USP34: variants seen among roughly 807,000 people sequenced by gnomAD.
USP34 encodes ubiquitin specific peptidase 34.
In USP34, 70 loss-of-function variants were observed where a neutral mutation model predicts 460.3. The observed-to-expected ratio is 0.15, with a 90% CI of 0.13 to 0.19. The LOEUF is 0.19. USP34 is among the 10% of genes least tolerant of loss of function. The pLI is 1.00. For synonymous variants in USP34, 1,647 were observed against 1,405.3 expected, an observed-to-expected ratio of 1.17 and a Z score of -3.85; for missense variants, 3,985 against 4,236.2, an observed-to-expected ratio of 0.94 and a Z score of 1.65.
chr2:61,216,853 G>A lies in USP34; in HGVS notation c.8048-2159C>T, dbSNP rs539462856. Among the ~76,000 whole-genome samples the A allele has an allele frequency of 1.1e-4, 17 of 151,768 alleles. 1 individual carries two copies. The South Asian group carries it at 1.9e-3, about 17-fold the overall frequency. On this transcript the variant is annotated intron_variant, in intron 67 of 79. Transcript: ENST00000398571. ...GAATCACTTTAACTCTGGAGGTGGA[G>A]GCTGCAGTGAGCTGAGATTGCAGCA...
At chr2:61,367,323 C>T (rs924885787) in intron 10 of USP34, among the ~76,000 whole-genome samples, 6 of 150,432 alleles carry the variant, frequency 4.0e-5, no homozygotes, top group Admixed American at 2.0e-4. Flanking sequence ...CACACACACG[C>T]GCGCGCACAC....
intron 10 of USP34, among the ~76,000 whole-genome samples, chr2:61,352,888 A>C (rs151240010): frequency 2.5e-4 from 38 of 152,324 alleles, no homozygotes; most frequent in African/African-American, 8.4e-4. Context: ...AAAGAAAAGG[A>C]TATCAGGGAA....
At chr2:61,384,699 T>C (rs2103873677) in intron 5 of USP34, among the ~76,000 whole-genome samples, 1 of 152,046 alleles carries the variant, frequency 6.6e-6, no homozygotes, top group South Asian at 2.1e-4. Context: ...AAAAATAAAA[T>C]ACATGAATTT....
intron 2 of USP34, among the ~76,000 whole-genome samples, chr2:61,412,284 AG>A (rs1694064379): frequency 9.5e-6 from 1 of 105,276 alleles, no homozygotes; most frequent in Non-Finnish European, 2.0e-5. Context: ...AAATACAAAA[AG>A]GAAAAAAAGA....
chr2:61,417,174 A>C, intron 2 of USP34: 1 of 1,577,438 alleles, frequency 6.3e-7, no homozygotes, highest in Non-Finnish European at 8.6e-7. Flanking sequence ...TTCCAAAGGC[A>C]CCTCACATGC....
At chr2:61,250,579 G>T in intron 48 of USP34, 1 of 158,854 alleles carries the variant, frequency 6.3e-6, no homozygotes, top group Admixed American at 6.4e-5. Flanking sequence ...CCACTGGATT[G>T]GGAATGTCTA....
rs748879195 is a variant in USP34 at position 61,223,090 on chromosome 2, C to G, written c.7719G>C (p.Leu2573=). The G allele has an allele frequency of 6.2e-7, 1 of 1,613,876 alleles. No individual in the cohort carries two copies. Among genetic ancestry groups the G allele is most frequent in the East Asian group, 2.2e-5 (1 of 44,856 alleles). The part of the protein sequence containing the change: ...IRQTCNLIFS[L]CRYNNRLAEH... ...CTGCAAGTCGATTATTGTATCGACA[C>G]AGGCTGAAAATCAGATTACAAGTTT... The change falls in exon 64 of 80, where the codon CTG becomes CTC. Residue 2573 remains leucine (L), a synonymous_variant. Transcript: ENST00000398571.
At chr2:61,329,170 C>G (rs1006734219) in intron 20 of USP34, among the ~76,000 whole-genome samples, 1 of 151,786 alleles carries the variant, frequency 6.6e-6, no homozygotes, top group East Asian at 1.9e-4. Flanking sequence ...TACAGGCATG[C>G]GCCACCACGC....
intron 1 of USP34, among the ~76,000 whole-genome samples, chr2:61,422,316 C>A (rs1188752505): frequency 6.6e-6 from 1 of 152,142 alleles, no homozygotes; most frequent in East Asian, 1.9e-4. Context: ...ACCATCATAT[C>A]CTACTCTAAC....
chr2:61,208,599 T>A (rs914972683), intron 70 of USP34: 1 of 175,752 alleles, frequency 5.7e-6, no homozygotes, highest in African/African-American at 2.4e-5. Flanking sequence ...GTGCCCTTAA[T>A]GAAATCACAT....
intron 29 of USP34, among the ~76,000 whole-genome samples, chr2:61,299,395 T>G (rs1370085065): frequency 6.6e-6 from 1 of 152,134 alleles, no homozygotes; most frequent in Non-Finnish European, 1.5e-5. Context: ...AAAGGCATTG[T>G]TTTAAAAGTT....
At chr2:61,443,168 G>A (rs1035078449) in intron 1 of USP34, among the ~76,000 whole-genome samples, 1 of 152,148 alleles carries the variant, frequency 6.6e-6, no homozygotes, top group African/African-American at 2.4e-5. Flanking sequence ...GGAGAGATTT[G>A]TGAAAGGATA....
At chr2:61,452,851 T>TA (rs1284432003) in intron 1 of USP34, among the ~76,000 whole-genome samples, 1 of 142,716 alleles carries the variant, frequency 7.0e-6, no homozygotes, top group Non-Finnish European at 1.5e-5. Context: ...CGCCACTCAC[T>TA]ACACTCCAGC....
chr2:61,397,238 T>C (rs1693556984), intron 3 of USP34, among the ~76,000 whole-genome samples: 1 of 150,038 alleles, frequency 6.7e-6, no homozygotes, highest in South Asian at 2.1e-4. Flanking sequence ...AGGTCAAGAG[T>C]TCTAGACCAG....
At chr2:61,190,205 G>A in intron 78 of USP34, 66 bp downstream of exon 78, 2 of 1,515,384 alleles carry the variant, frequency 1.3e-6, no homozygotes. Context: ...AAAATCATAT[G>A]AAGGCCACAC....
At chr2:61,226,508 T>C (rs1241975495) in intron 62 of USP34, among the ~76,000 whole-genome samples, 1 of 152,200 alleles carries the variant, frequency 6.6e-6, no homozygotes. Flanking sequence ...AAGTAGGATA[T>C]CATATACACT....
At chr2:61,221,727 G>T in intron 65 of USP34, 121 bp from the exon 66 acceptor site, 3 of 861,970 alleles carry the variant, frequency 3.5e-6, no homozygotes, top group Non-Finnish European at 5.0e-6. Context: ...GGAGAGCTCA[G>T]CCAGTACTTC....
At chr2:61,457,713 A>C (rs1248680532) in intron 1 of USP34, among the ~76,000 whole-genome samples, 1 of 152,040 alleles carries the variant, frequency 6.6e-6, no homozygotes, top group Non-Finnish European at 1.5e-5. Context: ...ATAAGCAAGC[A>C]AGTTGGGTGT....
At chr2:61,366,920 G>A (rs1692458738) in intron 10 of USP34, among the ~76,000 whole-genome samples, 1 of 152,078 alleles carries the variant, frequency 6.6e-6, no homozygotes, top group Admixed American at 6.6e-5. Flanking sequence ...ATGGTGGTGT[G>A]CATCTGTAGT....
Sources: allele counts gnomAD v4.1 joint callset (sites outside exome capture counted in the v4.1 genomes callset), GRCh38; gene constraint gnomAD v4.1.1; transcripts MANE v1.5; gene names NCBI Gene and HGNC (gene_info 2026-07-23, HGNC 2026-07-21).